COL5A2: variants seen among roughly 807,000 people sequenced by gnomAD.
COL5A2 encodes collagen alpha-2(V) chain.
COL5A2 carries 23 observed loss-of-function variants against 208.2 expected under a neutral mutation model. The observed-to-expected ratio is 0.11, with a 90% confidence interval of 0.08 to 0.16. COL5A2 has a LOEUF of 0.16. COL5A2 is among the 10% of genes least tolerant of loss of function. COL5A2 has a pLI of 1.00. For missense variants in COL5A2, 1,590 were observed against 1,956.4 expected (o/e 0.81, Z 3.53); for synonymous variants, 625 against 628.5 (o/e 0.99, Z 0.08).
the COL5A2 span, among the ~76,000 whole-genome samples, chr2:189,326,124 AG>A: frequency 6.6e-6 from 1 of 151,082 alleles, no homozygotes; most frequent in South Asian, 2.1e-4. Flanking sequence ...AAGAAGAAGA[AG>A]GTTAGAAATG....
At chr2:189,276,019 A>C in the COL5A2 span, among the ~76,000 whole-genome samples, 1 of 152,184 alleles carries the variant, frequency 6.6e-6, no homozygotes, top group Admixed American at 6.5e-5. Flanking sequence ...GATTGTTTGC[A>C]TGAGGTTTAA....
chr2:189,193,851 C>A (rs1009348278), intron 1 of COL5A2, among the ~76,000 whole-genome samples: 1 of 152,040 alleles, frequency 6.6e-6, no homozygotes, highest in Admixed American at 6.6e-5. Flanking sequence ...TTTAACCATA[C>A]CAATTTATGG....
chr2:189,090,531 GAA>G (rs1222808899), intron 7 of COL5A2, among the ~76,000 whole-genome samples: 1 of 152,224 alleles, frequency 6.6e-6, no homozygotes, highest in African/African-American at 2.4e-5. Flanking sequence ...CCTTCTGTTG[GAA>G]GAAGATGCCA....
intron 1 of COL5A2, among the ~76,000 whole-genome samples, chr2:189,129,490 G>A (rs755371424): frequency 4.0e-4 from 61 of 151,938 alleles, no homozygotes; most frequent in Non-Finnish European, 8.4e-4. Context: ...AAGAGAAAAT[G>A]GTGTAAATAA....
chr2:189,091,896 C>G (rs1464314028), intron 7 of COL5A2, among the ~76,000 whole-genome samples: 1 of 152,138 alleles, frequency 6.6e-6, no homozygotes, highest in Non-Finnish European at 1.5e-5. Context: ...AACTCAATGG[C>G]CTTCTCATAT....
At chr2:189,432,568 T>A in the COL5A2 span, among the ~76,000 whole-genome samples, 1 of 151,902 alleles carries the variant, frequency 6.6e-6, no homozygotes, top group East Asian at 1.9e-4. Flanking sequence ...CCAACAAATA[T>A]TAAAAGAGAC....
At chr2:189,322,047 G>A in the COL5A2 span, among the ~76,000 whole-genome samples, 1 of 152,138 alleles carries the variant, frequency 6.6e-6, no homozygotes, top group African/African-American at 2.4e-5. Context: ...TCAATTACAT[G>A]GAAACTGAAC....
At position 189,035,117 on chromosome 2, in the gene COL5A2, A is replaced by G. The variant is rs1685417610; in HGVS notation, c.4152T>C (p.Ile1384=). ...AAAGGCGCAAAAAAGTCATCTGAGT[A>G]ATGGCTGTATTAGGTGATTGGTGGT... is the stretch of plus-strand genomic sequence containing the variant. The part of the protein sequence containing the change: ...YGDHQSPNTA[I]TQMTFLRLLS... The change falls in exon 53 of 54, where the codon ATT becomes ATC. Residue 1384 remains isoleucine, a synonymous_variant. Coordinates refer to ENST00000374866, the MANE Select transcript of COL5A2 (RefSeq NM_000393.5). 2 of 1,613,918 alleles carry G rather than the reference A, an allele frequency of 1.2e-6. No homozygotes were observed. Among genetic ancestry groups the G allele is most frequent in the Non-Finnish European group, 1.7e-6 (2 of 1,179,874 alleles).
the COL5A2 span, among the ~76,000 whole-genome samples, chr2:189,258,750 C>T: frequency 1.3e-5 from 2 of 152,118 alleles, no homozygotes; most frequent in South Asian, 4.1e-4. Context: ...GACAGGGAAC[C>T]TCAGCAGCCC....
At chr2:189,196,997 C>T (rs571401326) in intron 1 of COL5A2, among the ~76,000 whole-genome samples, 18 of 152,012 alleles carry the variant, frequency 1.2e-4, no homozygotes, top group Non-Finnish European at 2.4e-4. Context: ...CACATACACA[C>T]GTATATTTTT....
At chr2:189,057,787 TG>T (rs1169695817) in intron 33 of COL5A2, among the ~76,000 whole-genome samples, 2 of 152,276 alleles carry the variant, frequency 1.3e-5, no homozygotes, top group South Asian at 2.1e-4. Context: ...TTAATGAAAC[TG>T]ATATTTGATA....
At chr2:189,383,804 A>G in the COL5A2 span, among the ~76,000 whole-genome samples, 1 of 152,122 alleles carries the variant, frequency 6.6e-6, no homozygotes, top group East Asian at 1.9e-4. Context: ...CATATAATAA[A>G]TTATTGGTAA....
the COL5A2 span, among the ~76,000 whole-genome samples, chr2:189,379,477 C>T: frequency 1.3e-5 from 2 of 152,020 alleles, no homozygotes; most frequent in Admixed American, 6.6e-5. Context: ...GGTCATAAAA[C>T]TGACATCTCA....
intron 1 of COL5A2, among the ~76,000 whole-genome samples, chr2:189,194,668 C>G (rs574881844): frequency 4.2e-4 from 64 of 152,284 alleles, no homozygotes; most frequent in African/African-American, 1.5e-3. Flanking sequence ...GCATCCTTGT[C>G]TTGCACTGGA....
At chr2:189,280,113 C>T in the COL5A2 span, among the ~76,000 whole-genome samples, 1 of 152,164 alleles carries the variant, frequency 6.6e-6, no homozygotes, top group African/African-American at 2.4e-5. Context: ...TGCTCTTGTA[C>T]TTCCCAACCT....
intron 1 of COL5A2, among the ~76,000 whole-genome samples, chr2:189,137,414 G>A (rs1386118153): frequency 2.0e-5 from 3 of 152,202 alleles, no homozygotes; most frequent in African/African-American, 7.2e-5. Context: ...GAAGACTTAT[G>A]TTCTGATCAC....
chr2:189,064,447 G>A (rs554154550), intron 25 of COL5A2, 110 bp downstream of exon 25: 16 of 776,620 alleles, frequency 2.1e-5, no homozygotes, highest in South Asian at 2.1e-4. Context: ...ACAAAGAAAT[G>A]TTCTAAACTG....
At chr2:189,072,875 G>C (rs749296360) in intron 17 of COL5A2, among the ~76,000 whole-genome samples, 1 of 150,882 alleles carries the variant, frequency 6.6e-6, no homozygotes, top group Non-Finnish European at 1.5e-5. Flanking sequence ...GGCATGCATA[G>C]AATTTAAACC....
intron 48 of COL5A2, among the ~76,000 whole-genome samples, 177 bp downstream of exon 48, chr2:189,042,974 C>A (rs1685590634): frequency 6.6e-6 from 1 of 152,102 alleles, no homozygotes; most frequent in Admixed American, 6.6e-5. Flanking sequence ...TTATTTCTTC[C>A]CTACAAAATT....
Sources: allele counts gnomAD v4.1 joint callset (sites outside exome capture counted in the v4.1 genomes callset), GRCh38; gene constraint gnomAD v4.1.1; transcripts MANE v1.5; gene names NCBI Gene and HGNC (gene_info 2026-07-23, HGNC 2026-07-21).